The following MYO7B variants were observed in gnomAD, a reference collection of about 807,000 sequenced individuals.
The protein encoded by MYO7B is unconventional myosin-VIIb.
MYO7B carries 212 observed loss-of-function variants against 259.7 expected under a neutral mutation model. The observed-to-expected ratio is 0.82, with a 90% CI of 0.73 to 0.91. MYO7B has a LOEUF of 0.91. Ranked by LOEUF, MYO7B falls within the 40% of genes least tolerant of loss-of-function variation. MYO7B has a pLI of 0.00. For missense variants in MYO7B, 2,732 were observed against 2,813.5 expected (o/e 0.97, Z 0.66); for synonymous variants, 1,197 against 1,166.4 (o/e 1.03, Z -0.54).
Position 127,636,705 on chromosome 2 carries a change from G to A in MYO7B, c.6207+77G>A, listed in dbSNP as rs988146839. Reference sequence around the variant, plus strand: ...TGCAGGTGGGGCTGCAGTCATCTCTGCGGTGTGTCCTGCCTCTCTCCTGTC... The same window carrying A: ...TGCAGGTGGGGCTGCAGTCATCTCTACGGTGTGTCCTGCCTCTCTCCTGTC... On this transcript the variant is annotated intron_variant, in intron 46 of 47. Transcript: ENST00000409816. This position sits in a 1 kb window ranked among gnomAD's most constrained non-coding sequence, Gnocchi z 4.5. 7.5e-6 allele frequency: 12 copies of A among 1,609,290 alleles called. No homozygotes were observed. The Admixed American group carries it at 1.7e-4, about 23-fold the overall frequency.
intron 19 of MYO7B, among the ~76,000 whole-genome samples, chr2:127,599,448 A>G (rs944100737): frequency 2.0e-5 from 3 of 152,222 alleles, no homozygotes; most frequent in African/African-American, 7.2e-5. Context: ...TTTTGGATGT[A>G]GATCGTCCTG....
At chr2:127,579,022 AAAGG>A (rs2104925217) in intron 9 of MYO7B, among the ~76,000 whole-genome samples, 1 of 152,288 alleles carries the variant, frequency 6.6e-6, no homozygotes, top group East Asian at 1.9e-4. Context: ...AAAATAACCA[AAAGG>A]AAGAACCCAA....
intron 18 of MYO7B, among the ~76,000 whole-genome samples, chr2:127,596,019 T>G (rs777110496): frequency 6.6e-6 from 1 of 152,212 alleles, no homozygotes; most frequent in Non-Finnish European, 1.5e-5. Context: ...CTTTGTTAAT[T>G]TTCTGTCTCG....
intron 15 of MYO7B, among the ~76,000 whole-genome samples, chr2:127,589,334 G>A (rs1679451967): frequency 6.7e-6 from 1 of 150,258 alleles, no homozygotes; most frequent in African/African-American, 2.5e-5. Flanking sequence ...TGTGTGGATG[G>A]GTGAGTGGAT....
chr2:127,556,466 T>C (rs1382677200), intron 1 of MYO7B, among the ~76,000 whole-genome samples: 1 of 152,230 alleles, frequency 6.6e-6, no homozygotes, highest in Non-Finnish European at 1.5e-5. Flanking sequence ...TTTAATTGCT[T>C]TTTTGTTTTA....
Position 127,580,778 on chromosome 2 carries a change from GTGA to G in MYO7B, c.1039_1041del (p.Met347del). The stretch of plus-strand genomic sequence containing the variant: ...CTTCGAGAACCTGGACGCCTCAGAC[GTGA>G]TGGAGACGCCCGCCTTTCCCACCGT... On this transcript the variant is annotated inframe_deletion, in exon 10 of 48. Coordinates refer to ENST00000409816, the MANE Select transcript of MYO7B (RefSeq NM_001393586.1). 1 of 1,613,602 alleles carries G rather than the reference GTGA, an allele frequency of 6.2e-7. No homozygotes were observed. Among genetic ancestry groups the G allele is most frequent in the Non-Finnish European group, 8.5e-7 (1 of 1,179,782 alleles).
In MYO7B at chr2:127,576,577, G is replaced by GCCCT; in HGVS notation, c.736-6_736-3dup. The GCCCT allele has an allele frequency of 6.8e-7, 1 of 1,472,312 alleles. No homozygotes were observed. Among genetic ancestry groups the GCCCT allele is most frequent in the Non-Finnish European group, 9.4e-7 (1 of 1,062,632 alleles). 91.2% of individuals were successfully genotyped at this position (1,472,312 alleles called of 1,614,324 possible). Reference sequence around the variant, plus strand: ...AATGGCTCATGAATCTGTCTGGAATGCCCTCCCTCCCTCCCAGGCTCCCGA... The same window carrying GCCCT: ...AATGGCTCATGAATCTGTCTGGAATGCCCTCCCTCCCTCCCTCCCAGGCTCCCGA... On this transcript the variant is annotated splice_polypyrimidine_tract_variant and intron_variant, in intron 7 of 47. Transcript: ENST00000409816. The surrounding 1 kb of genome is among the most constrained non-coding windows in gnomAD (Gnocchi z 4.9).
chr2:127,634,066 T>C lies in MYO7B; in HGVS notation c.5512-110T>C, dbSNP rs146076454. 8.6e-4 allele frequency: 736 copies of C among 856,228 alleles called. 11 individuals carry two copies. In the East Asian group the frequency reaches 0.018, roughly 21 times the overall value. The allele number at this position is 856,228 out of a possible 1,614,324, so 53.0% of individuals were successfully genotyped here. On this transcript the variant is annotated intron_variant, in intron 40 of 47. Transcript: ENST00000409816. Reference sequence around the variant, plus strand: ...CTTGCCCTGCTCAGGGCAGACCACATCCAACCCAAGTTTCATGAAGGAGCA... The same window carrying C: ...CTTGCCCTGCTCAGGGCAGACCACACCCAACCCAAGTTTCATGAAGGAGCA...
chr2:127,548,269 A>G (rs2104811070), intron 1 of MYO7B, among the ~76,000 whole-genome samples: 1 of 152,028 alleles, frequency 6.6e-6, no homozygotes, highest in East Asian at 1.9e-4. Context: ...TTTTTGTTTC[A>G]TTGAATTTTC....
intron 14 of MYO7B, among the ~76,000 whole-genome samples, chr2:127,587,213 G>A (rs928202102): frequency 1.3e-5 from 2 of 152,210 alleles, no homozygotes; most frequent in African/African-American, 4.8e-5. Context: ...CTGGCTTTGA[G>A]GAGCAGCTCA....
intron 9 of MYO7B, among the ~76,000 whole-genome samples, chr2:127,578,651 C>A (rs970045237): frequency 6.6e-6 from 1 of 152,050 alleles, no homozygotes; most frequent in Non-Finnish European, 1.5e-5. Context: ...TGTGAACACC[C>A]CCAAGCACCT....
chr2:127,545,580 G>A (rs1046531861), intron 1 of MYO7B, among the ~76,000 whole-genome samples: 4 of 152,256 alleles, frequency 2.6e-5, no homozygotes, highest in Admixed American at 6.5e-5. Flanking sequence ...TCTGCTGGGA[G>A]CAGTTCCCCT....
In MYO7B at chr2:127,635,901, G is replaced by A; in HGVS notation, c.6000G>A (p.Trp2000Ter). ...CACGCCTGATGTCCTCGGAGGAGTG[G>A]AAAAAGGTCCCTGGTCGGGCTGGGG... is the stretch of plus-strand genomic sequence containing the variant. ...NLTRLMSSEEWKKSILLAYDK... is the reference protein window; with the variant it reads ...NLTRLMSSEE The change falls in exon 44 of 48, where the codon TGG becomes TGA. Residue 2000 changes from tryptophan to a stop codon, truncating the protein, a stop_gained. Transcript: ENST00000409816. LOFTEE classifies it high-confidence loss of function. 1 of 1,568,786 alleles carries A rather than the reference G, an allele frequency of 6.4e-7. No homozygotes were observed. The highest frequency in any genetic ancestry group is 8.6e-7 in the Non-Finnish European group (1 of 1,157,360).
At chr2:127,564,307 C>T (rs1678238039) in intron 3 of MYO7B, 41 bp downstream of exon 3, 2 of 1,470,258 alleles carry the variant, frequency 1.4e-6, no homozygotes, top group Non-Finnish European at 1.9e-6. Flanking sequence ...GCCCTGCCCT[C>T]ACATCCAGGG....
chr2:127,603,510 CT>C (rs1420752878), intron 19 of MYO7B, among the ~76,000 whole-genome samples: 1 of 152,124 alleles, frequency 6.6e-6, no homozygotes, highest in East Asian at 1.9e-4. Context: ...TGAAAGAAAT[CT>C]TTTTTTCTGA....
intron 22 of MYO7B, 82 bp downstream of exon 22, chr2:127,608,960 G>C: frequency 6.7e-7 from 1 of 1,501,974 alleles, no homozygotes; most frequent in Admixed American, 2.0e-5. Flanking sequence ...TCCACCTCTC[G>C]GCTCCCTGAG....
In MYO7B at chr2:127,637,371, T is replaced by G. The variant is rs778397858; in HGVS notation, c.6383T>G (p.Met2128Arg). The stretch of plus-strand genomic sequence containing the variant: ...TATGTGCAGCAGCTCCTGAGTGCCA[T>G]GAACAAGCAGCGGGGCTCCAAGGCC... ...TSYVQQLLSA[M>R]NKQRGSKAPA... The change falls in exon 48 of 48, where the codon ATG becomes AGG. Residue 2128 changes from methionine (M) to arginine (R), a missense_variant. This residue lies in a region of MYO7B where 821 missense variants were observed against 769.3 expected (regional missense o/e 1.07). Coordinates refer to ENST00000409816, the MANE Select transcript of MYO7B (RefSeq NM_001393586.1). The G allele has an allele frequency of 1.9e-6, 3 of 1,588,214 alleles. No individual in the cohort carries two copies. The highest frequency in any genetic ancestry group is 3.5e-5 in the Admixed American group (2 of 56,644).
Position 127,590,348 on chromosome 2 carries a change from A to C in MYO7B, c.1992+119A>C. ...TAGCGTTAGAGCTGTTACTGCCCCT[A>C]CCTTACAGATAAGTACACTGGGGTA... On this transcript the variant is annotated intron_variant, in intron 16 of 47. Coordinates refer to ENST00000409816, the MANE Select transcript of MYO7B (RefSeq NM_001393586.1). The surrounding 1 kb of genome is among the most constrained non-coding windows in gnomAD (Gnocchi z 4.6). 7.2e-7 allele frequency: 1 copy of C among 1,394,590 alleles called. No homozygotes were observed. Among genetic ancestry groups the C allele is most frequent in the Non-Finnish European group, 9.8e-7 (1 of 1,020,450 alleles). 86.4% of individuals were successfully genotyped at this position (1,394,590 alleles called of 1,614,324 possible).
chr2:127,536,652 C>T (rs930010846), intron 1 of MYO7B, among the ~76,000 whole-genome samples: 1 of 152,202 alleles, frequency 6.6e-6, no homozygotes, highest in Non-Finnish European at 1.5e-5. Context: ...GGGCCCCCAA[C>T]CCAGATCCCC....
Sources: gnomAD v4.1 joint callset for allele counts (sites outside exome capture counted in the v4.1 genomes callset) on GRCh38, gnomAD v4.1.1 for gene constraint, gnomAD v4.1.1 regional missense constraint, Gnocchi (gnomAD v3.1) non-coding constraint, MANE v1.5 for transcripts, NCBI Gene and HGNC (gene_info 2026-07-23, HGNC 2026-07-21) for gene names.